Variants in ARL8B observed in about 807,000 individuals in gnomAD.
ARL8B encodes the protein ADP-ribosylation factor-like protein 8B.
Under a neutral mutation model 30.6 loss-of-function variants are expected in ARL8B, and 9 were observed. The ratio of observed to expected loss-of-function variants is 0.29; its 90% confidence interval spans 0.18 to 0.51. The LOEUF (loss-of-function observed/expected upper bound fraction) is 0.51, where lower values mean the gene tolerates loss of function less well. ARL8B is among the 20% of genes least tolerant of loss of function. ARL8B has a pLI of 0.97. For synonymous variants in ARL8B, 74 were observed against 76.0 expected, an observed-to-expected ratio of 0.97 and a Z score of 0.14; for missense variants, 130 against 227.2, an observed-to-expected ratio of 0.57 and a Z score of 2.75.
At chr3:5,131,110 AC>A (rs2054279217) in intron 1 of ARL8B, among the ~76,000 whole-genome samples, 1 of 151,974 alleles carries the variant, frequency 6.6e-6, no homozygotes, top group Non-Finnish European at 1.5e-5. Context: ...ACGAGGTTTC[AC>A]CATGTGGGCC....
intron 1 of ARL8B, among the ~76,000 whole-genome samples, chr3:5,164,066 G>A (rs1226400415): frequency 6.6e-6 from 1 of 152,066 alleles, no homozygotes; most frequent in Non-Finnish European, 1.5e-5. Context: ...TCCCGCAGTC[G>A]GCCCTGCACA....
chr3:5,126,712 C>G (rs897914313), intron 1 of ARL8B, among the ~76,000 whole-genome samples: 1 of 152,066 alleles, frequency 6.6e-6, no homozygotes, highest in Non-Finnish European at 1.5e-5. Flanking sequence ...ATGTAGTGTT[C>G]TCTTTTGTTT....
At chr3:5,123,908 T>A (rs1233750888) in intron 1 of ARL8B, among the ~76,000 whole-genome samples, 2 of 152,162 alleles carry the variant, frequency 1.3e-5, no homozygotes, top group East Asian at 3.9e-4. Flanking sequence ...GAGTCTCGCT[T>A]TGTCCCCCAG....
chr3:5,158,286 G>A (rs2054549310), intron 1 of ARL8B, among the ~76,000 whole-genome samples: 1 of 152,082 alleles, frequency 6.6e-6, no homozygotes, highest in Non-Finnish European at 1.5e-5. Context: ...CCCAGCCTGG[G>A]GCATGCATTC....
intron 6 of ARL8B, among the ~76,000 whole-genome samples, chr3:5,177,130 AAAC>A (rs1363538328): frequency 6.6e-6 from 1 of 152,200 alleles, no homozygotes; most frequent in Non-Finnish European, 1.5e-5. Context: ...CCTGAAAAAA[AAAC>A]AAAATCTCTT....
At chr3:5,172,073 CT>C in intron 2 of ARL8B, 76 bp from the exon 3 acceptor site, 4 of 1,378,214 alleles carry the variant, frequency 2.9e-6, no homozygotes, top group South Asian at 1.2e-5. Flanking sequence ...CCCGATCTTT[CT>C]TTTTTTCTGT....
chr3:5,146,481 A>G (rs1318745149), intron 1 of ARL8B, among the ~76,000 whole-genome samples: 1 of 152,188 alleles, frequency 6.6e-6, no homozygotes, highest in Non-Finnish European at 1.5e-5. Flanking sequence ...TCCCTTCAGT[A>G]GAAATGGGAT....
At chr3:5,156,528 T>TG (rs1222652541) in intron 1 of ARL8B, among the ~76,000 whole-genome samples, 1 of 152,204 alleles carries the variant, frequency 6.6e-6, no homozygotes, top group Non-Finnish European at 1.5e-5. Flanking sequence ...GCGATACTCT[T>TG]GCCTCAGCCT....
chr3:5,162,005 C>T (rs901558413), intron 1 of ARL8B, among the ~76,000 whole-genome samples: 5 of 151,986 alleles, frequency 3.3e-5, no homozygotes, highest in East Asian at 1.9e-4. Context: ...TTTATAAGAC[C>T]GCAGGAAAAA....
At chr3:5,125,587 C>T (rs2054223626) in intron 1 of ARL8B, among the ~76,000 whole-genome samples, 1 of 150,318 alleles carries the variant, frequency 6.7e-6, no homozygotes, top group Non-Finnish European at 1.5e-5. Flanking sequence ...GGCTGGAGTG[C>T]AGTGGCATGA....
intron 6 of ARL8B, among the ~76,000 whole-genome samples, chr3:5,175,829 G>C (rs2054724827): frequency 6.6e-6 from 1 of 152,102 alleles, no homozygotes; most frequent in Admixed American, 6.5e-5. Flanking sequence ...CTCCCCTGTA[G>C]TTGTCTCTGT....
intron 1 of ARL8B, among the ~76,000 whole-genome samples, chr3:5,162,973 G>A (rs933682895): frequency 6.8e-6 from 1 of 146,098 alleles, no homozygotes; most frequent in African/African-American, 2.6e-5. Context: ...TGTGTACTCA[G>A]TGTTTAGCTC....
At chr3:5,175,349 G>A (rs1443417073) in intron 6 of ARL8B, among the ~76,000 whole-genome samples, 2 of 152,184 alleles carry the variant, frequency 1.3e-5, no homozygotes, top group East Asian at 1.9e-4. Flanking sequence ...ATAAAGTCGT[G>A]AGGTTAAGAT....
chr3:5,180,504 A>C lies in ARL8B; in HGVS notation c.*1791A>C, dbSNP rs546397219. On this transcript the variant is annotated 3_prime_UTR_variant, in exon 7 of 7. Transcript: ENST00000256496. ...ATGTGTGACTCTGTGGGGACTGCAT[A>C]GGTTTGTTAATTGACCTATAGCTAA... The C allele has an allele frequency of 6.6e-6, 1 of 152,652 alleles. No homozygotes were observed. Among genetic ancestry groups the C allele is most frequent in the African/African-American group, 2.4e-5 (1 of 41,468 alleles). 9.5% of individuals were successfully genotyped at this position (152,652 alleles called of 1,614,324 possible).
intron 1 of ARL8B, among the ~76,000 whole-genome samples, chr3:5,158,508 T>C (rs1449785574): frequency 6.6e-6 from 1 of 152,344 alleles, no homozygotes; most frequent in East Asian, 1.9e-4. Flanking sequence ...ATCTCCATTT[T>C]ATATTTGGGC....
intron 1 of ARL8B, among the ~76,000 whole-genome samples, chr3:5,145,157 T>C (rs1229511783): frequency 2.0e-5 from 3 of 152,144 alleles, no homozygotes; most frequent in Non-Finnish European, 2.9e-5. Context: ...GGAGCTTCCC[T>C]AAGGTCAGGT....
At chr3:5,125,933 G>A (rs4499578) in intron 1 of ARL8B, among the ~76,000 whole-genome samples, 54,181 of 151,930 alleles carry the variant, frequency 0.36, 10,577 homozygotes, top group African/African-American at 0.54. Context: ...ATGTGTAATT[G>A]GCTTGAATTA....
intron 1 of ARL8B, among the ~76,000 whole-genome samples, chr3:5,125,739 G>C (rs2054225350): frequency 1.3e-5 from 2 of 152,044 alleles, no homozygotes; most frequent in Admixed American, 6.6e-5. Context: ...CACCATGTTG[G>C]GCAGGCTGTT....
At chr3:5,147,527 C>G (rs1197304844) in intron 1 of ARL8B, among the ~76,000 whole-genome samples, 1 of 150,764 alleles carries the variant, frequency 6.6e-6, no homozygotes, top group African/African-American at 2.4e-5. Context: ...GGAGCTTTTT[C>G]CTGCGTTTCC....
Sources: allele counts gnomAD v4.1 joint callset (sites outside exome capture counted in the v4.1 genomes callset), GRCh38; gene constraint gnomAD v4.1.1; transcripts MANE v1.5; gene names NCBI Gene and HGNC (gene_info 2026-07-23, HGNC 2026-07-21).